Variants in SYNJ2 observed in about 807,000 individuals in gnomAD.
The protein encoded by SYNJ2 is synaptojanin 2.
In SYNJ2, 116 loss-of-function variants were observed where a neutral mutation model predicts 141.3. That is an observed-to-expected ratio of 0.82 (90% confidence interval 0.71 to 0.96). SYNJ2 has a LOEUF of 0.96. Ranked by LOEUF, SYNJ2 falls within the 40% of genes least tolerant of loss-of-function variation. The pLI, the probability that SYNJ2 is intolerant of heterozygous loss-of-function variation, is 0.00. For synonymous variants in SYNJ2, 745 were observed against 777.7 expected, an observed-to-expected ratio of 0.96 and a Z score of 0.70; for missense variants, 1,873 against 1,934.8, an observed-to-expected ratio of 0.97 and a Z score of 0.60.
chr6:158,045,241 G>T (rs1164645454), intron 5 of SYNJ2, among the ~76,000 whole-genome samples: 1 of 151,558 alleles, frequency 6.6e-6, no homozygotes, highest in Admixed American at 6.6e-5. Context: ...CAGAGTAGCT[G>T]GGACTACAGG....
chr6:157,983,269 A>G (rs1219747059), intron 1 of SYNJ2, among the ~76,000 whole-genome samples: 1 of 152,204 alleles, frequency 6.6e-6, no homozygotes. Context: ...CAGTCACTTG[A>G]TTACTGAAAC....
intron 3 of SYNJ2, among the ~76,000 whole-genome samples, chr6:158,033,077 C>A (rs1395347304): frequency 1.3e-5 from 2 of 152,162 alleles, no homozygotes; most frequent in African/African-American, 4.8e-5. Context: ...ACCAATGGGG[C>A]CTGCGATGAA....
chr6:158,080,932 G>A (rs1354373468), intron 18 of SYNJ2, among the ~76,000 whole-genome samples, 177 bp from the exon 19 acceptor site: 3 of 152,230 alleles, frequency 2.0e-5, no homozygotes, highest in Non-Finnish European at 4.4e-5. Flanking sequence ...CCACCTGCTG[G>A]TGGCCACATT....
At chr6:158,083,906 G>T in intron 21 of SYNJ2, 95 bp from the exon 22 acceptor site, 1 of 1,427,164 alleles carries the variant, frequency 7.0e-7, no homozygotes, top group Non-Finnish European at 9.9e-7. Context: ...GGGTGCACGT[G>T]TCCTGACAGG....
chr6:157,998,110 G>A (rs1055344690), intron 1 of SYNJ2, among the ~76,000 whole-genome samples: 3 of 152,362 alleles, frequency 2.0e-5, no homozygotes, highest in Non-Finnish European at 2.9e-5. Flanking sequence ...TGGCTGGCCA[G>A]CAGGATGCTG....
At chr6:158,067,234 G>A (rs563006626) in intron 12 of SYNJ2, among the ~76,000 whole-genome samples, 1 of 152,276 alleles carries the variant, frequency 6.6e-6, no homozygotes, top group Non-Finnish European at 1.5e-5. Flanking sequence ...GGCCAGGCTG[G>A]TCTCGAACTC....
At chr6:158,034,998 C>T (rs186290393) in intron 4 of SYNJ2, among the ~76,000 whole-genome samples, 6 of 152,156 alleles carry the variant, frequency 3.9e-5, no homozygotes, top group African/African-American at 9.6e-5. Flanking sequence ...TGTAGGTGTA[C>T]GGCCTTATTT....
chr6:158,032,149 T>C (rs1779401549), intron 3 of SYNJ2, among the ~76,000 whole-genome samples: 2 of 152,036 alleles, frequency 1.3e-5, no homozygotes, highest in Non-Finnish European at 2.9e-5. Flanking sequence ...GGGGTGCATG[T>C]GACTGTGCGA....
intron 23 of SYNJ2, among the ~76,000 whole-genome samples, chr6:158,087,514 C>G (rs1272964264): frequency 6.6e-6 from 1 of 152,218 alleles, no homozygotes; most frequent in African/African-American, 2.4e-5. Context: ...CTTTGCCCGT[C>G]CAGCCCTCCC....
In SYNJ2 at chr6:158,078,206, C is replaced by G. The variant is rs1261627214; in HGVS notation, c.2492C>G (p.Thr831Ser). Residue 831 changes from threonine (T) to serine (S), a missense_variant, in exon 18 of 27, where the codon ACC becomes AGC. Thr to Ser is a moderately conservative substitution (Grantham distance 58). Coordinates refer to ENST00000355585, the MANE Select transcript of SYNJ2 (RefSeq NM_003898.4). ...NLLDSDLDVD[T>S]KVRHTWSPGA... ...CTAGACAGTGATCTAGATGTTGACACCAAAGTCAGACACACCTGGTCTCCT... is the reference window on the plus strand; with the variant it reads ...CTAGACAGTGATCTAGATGTTGACAGCAAAGTCAGACACACCTGGTCTCCT... The G allele has an allele frequency of 1.2e-6, 2 of 1,614,074 alleles. No homozygotes were observed. Among genetic ancestry groups the G allele is most frequent in the East Asian group, 4.5e-5 (2 of 44,888 alleles).
chr6:158,028,394 G>C (rs1779172648), intron 2 of SYNJ2: 1 of 253,932 alleles, frequency 3.9e-6, no homozygotes, highest in African/African-American at 2.2e-5. Context: ...TGGGGGTCTG[G>C]AAGGGCTCTA....
intron 23 of SYNJ2, among the ~76,000 whole-genome samples, chr6:158,087,353 C>T (rs1262781890): frequency 6.6e-6 from 1 of 152,234 alleles, no homozygotes; most frequent in Non-Finnish European, 1.5e-5. Flanking sequence ...AGTCCTCCCT[C>T]TACTTATGAG....
chr6:157,992,545 C>CTGTG (rs1777488903), intron 1 of SYNJ2, among the ~76,000 whole-genome samples: 1 of 151,622 alleles, frequency 6.6e-6, no homozygotes, highest in Non-Finnish European at 1.5e-5. Context: ...TTACAGGCAC[C>CTGTG]CACCACCACA....
At chr6:158,085,859 C>G (rs1464304015) in intron 22 of SYNJ2, among the ~76,000 whole-genome samples, 2 of 152,002 alleles carry the variant, frequency 1.3e-5, no homozygotes, top group African/African-American at 4.8e-5. Flanking sequence ...GGTGGTTCTG[C>G]ACGTTGCTCC....
intron 9 of SYNJ2, 40 bp downstream of exon 9, chr6:158,063,912 G>A (rs769648807): frequency 5.0e-6 from 8 of 1,605,732 alleles, no homozygotes; most frequent in South Asian, 2.2e-5. Flanking sequence ...TCTGTGCCAG[G>A]TCCTGTGACT....
At chr6:158,085,693 T>C (rs1325022821) in intron 22 of SYNJ2, among the ~76,000 whole-genome samples, 1 of 152,114 alleles carries the variant, frequency 6.6e-6, no homozygotes, top group African/African-American at 2.4e-5. Context: ...AACTTATGGA[T>C]TTTTGAGCCC....
chr6:158,088,034 A>ATTTTT lies in SYNJ2; in HGVS notation c.3344-586_3344-582dup, dbSNP rs568222551. Among the ~76,000 whole-genome samples the ATTTTT allele has an allele frequency of 4.4e-4, 14 of 31,906 alleles. 1 individual carries two copies. The highest frequency in any genetic ancestry group is 1.5e-3 in the South Asian group (1 of 674). 20.9% of individuals were successfully genotyped at this position (31,906 alleles called of 152,430 possible). A position where few individuals can be genotyped will look rare whatever the true frequency, so the allele number is the denominator to read the frequency against. On this transcript the variant is annotated intron_variant, in intron 23 of 26. Coordinates refer to ENST00000355585, the MANE Select transcript of SYNJ2 (RefSeq NM_003898.4). ...TAACAGTTTATTCCCCTGCTTTGGA[A>ATTTTT]TTTTTTTTTTTTTTTTTTTTTTTTT...
Position 158,083,496 on chromosome 6 carries a change from T to A in SYNJ2, c.2933T>A (p.Ile978Asn). ...TGGCTGAAAGGTTTGCGAGAGGAGA[T>A]CATTCGGAAACGAGACAGCATGGCC... Reference protein sequence around the residue: ...KDWLKGLREEIIRKRDSMAPV... With the variant: ...KDWLKGLREENIRKRDSMAPV... Residue 978 changes from isoleucine (I) to asparagine (N), a missense_variant, in exon 21 of 27, where the codon ATC (isoleucine) becomes AAC (asparagine). By Grantham distance (149) the Ile-to-Asn change is moderately radical (BLOSUM62 -3). Coordinates refer to ENST00000355585, the MANE Select transcript of SYNJ2 (RefSeq NM_003898.4). 1.2e-6 allele frequency: 2 copies of A among 1,614,004 alleles called. No individual in the cohort carries two copies. Among genetic ancestry groups the A allele is most frequent in the African/African-American group, 2.7e-5 (2 of 74,960 alleles).
chr6:158,016,354 TC>T (rs1778455487), intron 1 of SYNJ2, among the ~76,000 whole-genome samples: 1 of 152,182 alleles, frequency 6.6e-6, no homozygotes, highest in Admixed American at 6.5e-5. Context: ...CCTCAGGTGA[TC>T]CGCCTGCCTT....
Sources: gnomAD v4.1 joint callset for allele counts (sites outside exome capture counted in the v4.1 genomes callset) on GRCh38, gnomAD v4.1.1 for gene constraint, MANE v1.5 for transcripts, NCBI Gene and HGNC (gene_info 2026-07-23, HGNC 2026-07-21) for gene names.